Variants in SLC25A40 observed in about 807,000 individuals in gnomAD.
SLC25A40 encodes the protein solute carrier family 25 member 40.
Under a neutral mutation model 46.5 loss-of-function variants are expected in SLC25A40, and 41 were observed. That is an observed-to-expected ratio of 0.88 (90% CI 0.69 to 1.14). SLC25A40 has a LOEUF of 1.14. SLC25A40 is among the 50% of genes most tolerant of loss of function. The probability of loss-of-function intolerance (pLI) is 0.00; values close to 1 mark genes in which losing one functional copy is unlikely to be tolerated. For missense variants in SLC25A40, 386 were observed against 393.6 expected, an observed-to-expected ratio of 0.98 and a Z score of 0.16; for synonymous variants, 126 against 127.5, an observed-to-expected ratio of 0.99 and a Z score of 0.08.
At chr7:87,869,857 C>T (rs748211714) in intron 1 of SLC25A40, among the ~76,000 whole-genome samples, 4 of 152,266 alleles carry the variant, frequency 2.6e-5, no homozygotes, top group African/African-American at 4.8e-5. Flanking sequence ...GTATGTTTAA[C>T]GTTTAAAGAA....
At chr7:87,864,244 A>G (rs747837393) in intron 1 of SLC25A40, among the ~76,000 whole-genome samples, 2 of 152,168 alleles carry the variant, frequency 1.3e-5, no homozygotes, top group Non-Finnish European at 2.9e-5. Flanking sequence ...TAGGTGCACT[A>G]TATTCAGGGT....
chr7:87,868,604 A>C (rs547970157), intron 1 of SLC25A40, among the ~76,000 whole-genome samples: 9 of 152,310 alleles, frequency 5.9e-5, no homozygotes, highest in African/African-American at 1.9e-4. Flanking sequence ...AGAACTCAGC[A>C]AAACAGCTTT....
intron 7 of SLC25A40, 86 bp downstream of exon 7, chr7:87,847,763 CTATA>C (rs1838443302): frequency 1.6e-6 from 2 of 1,263,162 alleles, no homozygotes; most frequent in Middle Eastern, 2.9e-4. Context: ...TACTAATACT[CTATA>C]TATTATACAA....
In SLC25A40 at chr7:87,843,845, T is replaced by C. The variant is rs943146054; in HGVS notation, c.650A>G (p.Tyr217Cys). ...VPFSAMYWYN[Y>C]EILKKWLCEK... Reference sequence around the variant, plus strand: ...ACATAACCACTTCTTTAAAATTTCATAGTTATACCAGTACATTGCTATAAA... The same window carrying C: ...ACATAACCACTTCTTTAAAATTTCACAGTTATACCAGTACATTGCTATAAA... Residue 217 changes from tyrosine (Y) to cysteine (C), a missense_variant, in exon 9 of 12, where the codon TAT becomes TGT. Coordinates refer to ENST00000341119, the MANE Select transcript of SLC25A40 (RefSeq NM_018843.4). 5.6e-6 allele frequency: 9 copies of C among 1,602,422 alleles called. No individual in the cohort carries two copies. The highest frequency in any genetic ancestry group is 1.7e-5 in the Admixed American group (1 of 59,512).
intron 9 of SLC25A40, among the ~76,000 whole-genome samples, chr7:87,843,493 A>G (rs1209677656): frequency 6.6e-6 from 1 of 152,076 alleles, no homozygotes; most frequent in Non-Finnish European, 1.5e-5. Context: ...TAAAGCTCTA[A>G]AATATTATAA....
chr7:87,859,834 A>T (rs1158401226), intron 2 of SLC25A40, among the ~76,000 whole-genome samples: 2 of 152,078 alleles, frequency 1.3e-5, no homozygotes, highest in East Asian at 3.9e-4. Flanking sequence ...ATACATATAT[A>T]TATTTTTGTA....
intron 10 of SLC25A40, among the ~76,000 whole-genome samples, chr7:87,838,203 C>G (rs758550325): frequency 4.0e-5 from 6 of 151,392 alleles, no homozygotes; most frequent in Admixed American, 1.3e-4. Context: ...TAAGGAAAGT[C>G]AATGACAAGA....
At chr7:87,865,777 G>GA (rs59010394) in intron 1 of SLC25A40, among the ~76,000 whole-genome samples, 4,209 of 150,234 alleles carry the variant, frequency 0.028, 58 homozygotes, top group Middle Eastern at 0.048. Context: ...GTCTCGGGGG[G>GA]AAAAAAAAAG....
intron 1 of SLC25A40, among the ~76,000 whole-genome samples, chr7:87,875,851 C>G (rs946204766): frequency 2.0e-5 from 3 of 152,204 alleles, no homozygotes; most frequent in African/African-American, 7.2e-5. Context: ...AGACGCCCCC[C>G]GGGGCCGCCC....
At chr7:87,875,993 G>A (rs1464025239) in intron 1 of SLC25A40, 103 bp downstream of exon 1, 2 of 152,292 alleles carry the variant, frequency 1.3e-5, no homozygotes, top group East Asian at 1.9e-4. Context: ...TCCGGCTCCG[G>A]TTCCGGCCCC....
chr7:87,844,390 T>C (rs1415719253), intron 8 of SLC25A40, among the ~76,000 whole-genome samples: 1 of 152,026 alleles, frequency 6.6e-6, no homozygotes, highest in Non-Finnish European at 1.5e-5. Flanking sequence ...AACAAATTTC[T>C]TGGAAACCTA....
intron 5 of SLC25A40, among the ~76,000 whole-genome samples, chr7:87,852,796 T>A (rs1302603882): frequency 6.6e-6 from 1 of 152,108 alleles, no homozygotes; most frequent in Admixed American, 6.5e-5. Flanking sequence ...TTTCCACAAA[T>A]GCAAGTGGAC....
chr7:87,852,699 GA>G (rs1838535768), intron 5 of SLC25A40, among the ~76,000 whole-genome samples: 1 of 152,164 alleles, frequency 6.6e-6, no homozygotes, highest in African/African-American at 2.4e-5. Flanking sequence ...GAACAGAATA[GA>G]AAACTCAGAA....
chr7:87,869,551 T>C (rs1158214383), intron 1 of SLC25A40, among the ~76,000 whole-genome samples: 2 of 148,896 alleles, frequency 1.3e-5, no homozygotes, highest in African/African-American at 5.0e-5. Context: ...AAAAAAAAAA[T>C]CCAAAAAAAA....
At position 87,854,293 on chromosome 7, in the gene SLC25A40, T is replaced by C. The variant is rs1306819631; in HGVS notation, c.175A>G (p.Ser59Gly). The C allele has an allele frequency of 6.2e-7, 1 of 1,607,224 alleles. No individual in the cohort carries two copies. Among genetic ancestry groups the C allele is most frequent in the Non-Finnish European group, 8.5e-7 (1 of 1,176,076 alleles). Residue 59 changes from serine (S) to glycine (G), a missense_variant, in exon 5 of 12, where the codon AGT (serine) becomes GGT (glycine). Transcript: ENST00000341119. ...PLPKGKCFVY[S>G]NGLMDHLCVC... ...CATAGATGATCCATGAGTCCATTAC[T>C]ATATACAAAACATTTTCCTAACAAA...
chr7:87,862,729 T>A (rs2131016523), intron 1 of SLC25A40, among the ~76,000 whole-genome samples: 1 of 152,294 alleles, frequency 6.6e-6, no homozygotes, highest in African/African-American at 2.4e-5. Flanking sequence ...AATTAACAAA[T>A]AAAAGTGTTT....
At chr7:87,870,048 TTGTTA>T (rs1245006129) in intron 1 of SLC25A40, among the ~76,000 whole-genome samples, 2 of 152,124 alleles carry the variant, frequency 1.3e-5, no homozygotes, top group African/African-American at 4.8e-5. Context: ...TTCTAAGGAA[TTGTTA>T]TGTTATGCAT....
At chr7:87,865,667 G>A (rs1187561464) in intron 1 of SLC25A40, among the ~76,000 whole-genome samples, 3 of 152,264 alleles carry the variant, frequency 2.0e-5, no homozygotes, top group East Asian at 1.9e-4. Context: ...AGCTACTCAG[G>A]AGGCTGAGGC....
intron 1 of SLC25A40, among the ~76,000 whole-genome samples, chr7:87,862,756 C>T (rs962689001): frequency 6.6e-6 from 1 of 152,186 alleles, no homozygotes; most frequent in Non-Finnish European, 1.5e-5. Flanking sequence ...ACTCACAGTT[C>T]CACATGCCTG....
Sources: allele counts gnomAD v4.1 joint callset (sites outside exome capture counted in the v4.1 genomes callset), GRCh38; gene constraint gnomAD v4.1.1; transcripts MANE v1.5; gene names NCBI Gene and HGNC (gene_info 2026-07-23, HGNC 2026-07-21).